The following GALNT9 variants were observed in gnomAD, a reference collection of about 807,000 sequenced individuals.
GALNT9 encodes GalNAc transferase 9.
A neutral mutation model predicts 63.1 loss-of-function variants in GALNT9; 47 were observed. The observed-to-expected ratio is 0.75, with a 90% CI of 0.59 to 0.95. The LOEUF (loss-of-function observed/expected upper bound fraction) is 0.95. GALNT9 is among the 40% of genes least tolerant of loss of function. The pLI is 0.00. For missense variants in GALNT9, 829 were observed against 874.8 expected, an observed-to-expected ratio of 0.95 and a Z score of 0.66; for synonymous variants, 396 against 365.7, an observed-to-expected ratio of 1.08 and a Z score of -0.94.
Position 132,257,877 on chromosome 12 carries a change from G to C in GALNT9, c.771C>G (p.Pro257=), listed in dbSNP as rs782387305. ...HVEFNTGWAE[P]ALSRIREDRR... Reference sequence around the variant, plus strand: ...GGTCCTCTCGGATCCGCGACAGTGCGGGCTCGGCCCTGCGGAGGCACAGCT... The same window carrying C: ...GGTCCTCTCGGATCCGCGACAGTGCCGGCTCGGCCCTGCGGAGGCACAGCT... Residue 257 remains proline (P), a synonymous_variant, in exon 5 of 11, where the codon CCC becomes CCG. Transcript: ENST00000328957. 17 of 1,540,908 alleles carry C rather than the reference G, an allele frequency of 1.1e-5. No homozygotes were observed. Among genetic ancestry groups the C allele is most frequent in the Non-Finnish European group, 1.4e-5 (16 of 1,142,284 alleles).
intron 5 of GALNT9, among the ~76,000 whole-genome samples, chr12:132,251,387 A>G (rs1878909350): frequency 6.6e-6 from 1 of 152,216 alleles, no homozygotes; most frequent in South Asian, 2.1e-4. Flanking sequence ...GCTGTGAAAC[A>G]GGCCGGTGCT....
intron 1 of GALNT9, among the ~76,000 whole-genome samples, chr12:132,303,379 TCCGGGGCACAGCCTCGC>T (rs1881384904): frequency 8.6e-6 from 1 of 116,192 alleles, no homozygotes; most frequent in African/African-American, 3.6e-5. Flanking sequence ...CAGCACCCTC[TCCGGGGCACAGCCTCGC>T]CCGGGCACAC....
At chr12:132,323,089 G>A (rs1457618587) in intron 1 of GALNT9, among the ~76,000 whole-genome samples, 1 of 152,234 alleles carries the variant, frequency 6.6e-6, no homozygotes. Flanking sequence ...CTGACCACAC[G>A]GGTCTCAAGA....
intron 6 of GALNT9, among the ~76,000 whole-genome samples, chr12:132,206,825 C>A (rs1362767825): frequency 6.6e-6 from 1 of 152,078 alleles, no homozygotes; most frequent in Non-Finnish European, 1.5e-5. Context: ...ACGCCATACC[C>A]CGTGAACGGG....
chr12:132,290,621 CCA>C (rs1263043781), intron 1 of GALNT9, among the ~76,000 whole-genome samples: 2 of 138,858 alleles, frequency 1.4e-5, no homozygotes, highest in East Asian at 4.3e-4. Context: ...GCACCCACAA[CCA>C]CAGTGCCCAC....
rs1878689065 is a variant in GALNT9, at chr12:132,245,852, A to G, written c.1077+2058T>C. Among the ~76,000 whole-genome samples the G allele has an allele frequency of 6.6e-6, 1 of 151,904 alleles. No individual in the cohort carries two copies. The highest frequency in any genetic ancestry group is 2.4e-5 in the African/African-American group (1 of 41,300). ...CCCCTGGGCCCTTCCTGCTGAGGCGACTTGTCTTTCACTGACGGTGGCTCT... is the reference window on the plus strand; with the variant it reads ...CCCCTGGGCCCTTCCTGCTGAGGCGGCTTGTCTTTCACTGACGGTGGCTCT... On this transcript the variant is annotated intron_variant, in intron 6 of 10. Transcript: ENST00000328957. The surrounding 1 kb of genome is among the most constrained non-coding windows in gnomAD (Gnocchi z 6.3).
At chr12:132,205,691 G>C (rs1468633415) in intron 6 of GALNT9, 2 of 152,290 alleles carry the variant, frequency 1.3e-5, no homozygotes, top group South Asian at 2.1e-4. Flanking sequence ...GTGGTTTCTG[G>C]GTTTCTGTCT....
intron 6 of GALNT9, among the ~76,000 whole-genome samples, chr12:132,233,192 G>A (rs1411754297): frequency 2.5e-5 from 1 of 39,288 alleles, no homozygotes; most frequent in African/African-American, 1.4e-4. Context: ...TCGATGGGGC[G>A]ACAGAGGAGA....
At chr12:132,230,950 G>A (rs1264016703) in intron 6 of GALNT9, among the ~76,000 whole-genome samples, 2 of 152,250 alleles carry the variant, frequency 1.3e-5, no homozygotes, top group African/African-American at 2.4e-5. Context: ...TGGAAAAGTA[G>A]TGACAGAGAC....
chr12:132,226,593 C>T (rs1185531831), intron 6 of GALNT9, among the ~76,000 whole-genome samples: 1 of 141,626 alleles, frequency 7.1e-6, no homozygotes, highest in Non-Finnish European at 1.5e-5. Context: ...CACACATACA[C>T]ACCACACACC....
In GALNT9 at chr12:132,324,049, G is replaced by T. The variant is rs1308707600; in HGVS notation, c.238+4917C>A. 3.3e-5 allele frequency among the ~76,000 whole-genome samples: 5 copies of T among 152,238 alleles called. No homozygotes were observed. In the East Asian group the frequency reaches 7.7e-4, roughly 23 times the overall value. ...CTGGAAAGGCCGCCTGAACCAGCAG[G>T]AGCCATTTGGGAAATAAAACTCACA... On this transcript the variant is annotated intron_variant, in intron 1 of 10. Coordinates refer to ENST00000328957, the MANE Select transcript of GALNT9 (RefSeq NM_001122636.2).
chr12:132,231,067 G>T (rs1400165058), intron 6 of GALNT9, among the ~76,000 whole-genome samples: 9 of 119,342 alleles, frequency 7.5e-5, no homozygotes, highest in African/African-American at 2.8e-4. Context: ...AGTCCCTAGT[G>T]CCACACACTC....
In GALNT9 at chr12:132,267,813, G is replaced by A. The variant is rs868909874; in HGVS notation, c.420-5188C>T. 8.1e-3 allele frequency among the ~76,000 whole-genome samples: 188 copies of A among 23,140 alleles called. 3 individuals are homozygous for A. Among genetic ancestry groups the A allele is most frequent in the South Asian group, 8.4e-3 (5 of 592 alleles). The allele number at this position is 23,140 out of a possible 152,430, so 15.2% of individuals were successfully genotyped here. On this transcript the variant is annotated intron_variant, in intron 2 of 10. Transcript: ENST00000328957. ...CACGCACTCACACGCACTCACACAC[G>A]CACTCACACATGCAGTCACACACAT...
intron 1 of GALNT9, among the ~76,000 whole-genome samples, chr12:132,305,357 A>G (rs1314217289): frequency 2.9e-4 from 8 of 27,254 alleles, no homozygotes; most frequent in Non-Finnish European, 4.8e-4. Flanking sequence ...ACCCGGGCAC[A>G]CCCTCACCCG....
intron 1 of GALNT9, among the ~76,000 whole-genome samples, chr12:132,291,423 ACCCACAACCACAGCG>A (rs1464531368): frequency 1.8e-5 from 2 of 110,338 alleles, no homozygotes; most frequent in African/African-American, 7.5e-5. Flanking sequence ...CGTCCACAGC[ACCCACAACCACAGCG>A]CCCACGTCCA....
At chr12:132,289,255 C>T (rs1555242485) in intron 1 of GALNT9, among the ~76,000 whole-genome samples, 1 of 152,188 alleles carries the variant, frequency 6.6e-6, no homozygotes, top group Non-Finnish European at 1.5e-5. Context: ...CCTCCCAACG[C>T]TTCATTCTCC....
rs542791741 is a variant in GALNT9, at chr12:132,282,629, C to A, written c.419+3621G>T. ...TTGCTGCAGCTCCCCCAGCTCCCAGCCTTGGTTTCATCTTGTGGGAAAAGG... is the reference window on the plus strand; with the variant it reads ...TTGCTGCAGCTCCCCCAGCTCCCAGACTTGGTTTCATCTTGTGGGAAAAGG... On this transcript the variant is annotated intron_variant, in intron 2 of 10. Transcript: ENST00000328957. The surrounding 1 kb of genome is among the most constrained non-coding windows in gnomAD (Gnocchi z 4.5). Among the ~76,000 whole-genome samples the A allele has an allele frequency of 3.8e-4, 57 of 151,992 alleles. No individual in the cohort carries two copies. Among genetic ancestry groups the A allele is most frequent in the African/African-American group, 1.3e-3 (54 of 41,480 alleles).
At chr12:132,233,459 G>C (rs1375998267) in intron 6 of GALNT9, among the ~76,000 whole-genome samples, 1 of 53,956 alleles carries the variant, frequency 1.9e-5, no homozygotes. Context: ...GGAGTCCCTA[G>C]TGCCACACAC....
intron 2 of GALNT9, among the ~76,000 whole-genome samples, chr12:132,264,440 G>C (rs1332083886): frequency 6.6e-6 from 1 of 152,248 alleles, no homozygotes; most frequent in Non-Finnish European, 1.5e-5. Flanking sequence ...GTTTGGTTTC[G>C]GGCCCGGCTT....
Sources: gnomAD v4.1 joint callset for allele counts (sites outside exome capture counted in the v4.1 genomes callset) on GRCh38, gnomAD v4.1.1 for gene constraint, Gnocchi (gnomAD v3.1) non-coding constraint, MANE v1.5 for transcripts, NCBI Gene and HGNC (gene_info 2026-07-23, HGNC 2026-07-21) for gene names.